MGAT4C: variants seen among roughly 807,000 people sequenced by gnomAD.
MGAT4C encodes alpha-1,3-mannosyl-glycoprotein 4-beta-N-acetylglucosaminyltransferase C.
A neutral mutation model predicts 40.1 loss-of-function variants in MGAT4C; 19 were observed. The ratio of observed to expected loss-of-function variants is 0.47; its 90% CI spans 0.33 to 0.70. MGAT4C has a LOEUF of 0.70. Ranked by LOEUF, MGAT4C falls within the 30% of genes least tolerant of loss-of-function variation. The pLI is 0.02. For missense variants in MGAT4C, 491 were observed against 563.2 expected, an observed-to-expected ratio of 0.87 and a Z score of 1.30; for synonymous variants, 181 against 187.1, an observed-to-expected ratio of 0.97 and a Z score of 0.27.
intron 1 of MGAT4C, among the ~76,000 whole-genome samples, chr12:86,073,807 G>T (rs1208742957): frequency 6.6e-6 from 1 of 152,162 alleles, no homozygotes; most frequent in Admixed American, 6.5e-5. Flanking sequence ...GAAGGCAATT[G>T]CCTTGTCTCA....
intron 2 of MGAT4C, among the ~76,000 whole-genome samples, chr12:86,622,603 T>A (rs1962674935): frequency 6.6e-6 from 1 of 152,134 alleles, no homozygotes; most frequent in South Asian, 2.1e-4. Context: ...ACCAGCACCA[T>A]GTAACAAACC....
rs977325557 is a variant in MGAT4C at position 86,111,151 on chromosome 12, T to C, written c.-56-61428A>G. Among the ~76,000 whole-genome samples the C allele has an allele frequency of 2.6e-5, 4 of 151,880 alleles. No individual in the cohort carries two copies. The Middle Eastern group carries it at 0.014, about 517-fold the overall frequency. ...TAGGGAGACTAATTTTCTCTATATA[T>C]TTAAAGCAATGGTGTTGTCACATCG... On this transcript the variant is annotated intron_variant, in intron 1 of 4. Transcript: ENST00000611864.
chr12:86,411,894 C>T (rs546685461), intron 3 of MGAT4C, among the ~76,000 whole-genome samples: 12 of 152,178 alleles, frequency 7.9e-5, no homozygotes, highest in South Asian at 2.1e-4. Flanking sequence ...CTTGGGACAC[C>T]GCTCCCTGCA....
At chr12:86,706,318 T>A (rs1400866328) in intron 2 of MGAT4C, among the ~76,000 whole-genome samples, 1 of 152,182 alleles carries the variant, frequency 6.6e-6, no homozygotes, top group Non-Finnish European at 1.5e-5. Context: ...CATAAGAATA[T>A]CAATTCTGAG....
chr12:86,637,008 T>A (rs1337397647), intron 2 of MGAT4C, among the ~76,000 whole-genome samples: 1 of 151,928 alleles, frequency 6.6e-6, no homozygotes, highest in Non-Finnish European at 1.5e-5. Flanking sequence ...ACATATCCTG[T>A]TTTTTGTCCC....
chr12:86,395,359 A>G (rs1956241851), intron 3 of MGAT4C, among the ~76,000 whole-genome samples: 1 of 152,186 alleles, frequency 6.6e-6, no homozygotes. Context: ...ATCTTACCAT[A>G]TTAGAGCATT....
intron 1 of MGAT4C, among the ~76,000 whole-genome samples, chr12:86,833,121 T>C (rs11835356): frequency 0.17 from 25,724 of 151,784 alleles, 2,318 homozygotes; most frequent in Middle Eastern, 0.31. Flanking sequence ...TCTTGTGCCA[T>C]AAAACGGAAG....
At chr12:86,024,050 T>C (rs1890030675) in intron 2 of MGAT4C, among the ~76,000 whole-genome samples, 1 of 151,950 alleles carries the variant, frequency 6.6e-6, no homozygotes, top group African/African-American at 2.4e-5. Flanking sequence ...ATTAAAGAAC[T>C]ACAATGACAT....
At chr12:86,082,539 CA>C (rs1871026765) in intron 1 of MGAT4C, among the ~76,000 whole-genome samples, 1 of 150,992 alleles carries the variant, frequency 6.6e-6, no homozygotes, top group South Asian at 2.1e-4. Context: ...ACAGATCAAC[CA>C]CAATTTAGCC....
At chr12:86,230,939 C>T (rs1420913188) in intron 1 of MGAT4C, among the ~76,000 whole-genome samples, 2 of 150,042 alleles carry the variant, frequency 1.3e-5, no homozygotes, top group South Asian at 4.2e-4. Flanking sequence ...ATATTATGAA[C>T]AGTTCATCCC....
chr12:86,682,753 G>A (rs1371276513), intron 2 of MGAT4C, among the ~76,000 whole-genome samples: 2 of 151,870 alleles, frequency 1.3e-5, no homozygotes, highest in Non-Finnish European at 2.9e-5. Flanking sequence ...ACAGCCCATG[G>A]CCTTCAAGGA....
intron 2 of MGAT4C, among the ~76,000 whole-genome samples, chr12:86,497,404 T>C (rs913831867): frequency 6.6e-6 from 1 of 151,972 alleles, no homozygotes; most frequent in Non-Finnish European, 1.5e-5. Context: ...AGCATAGTAC[T>C]TGAATAATAA....
At chr12:86,774,345 C>CTTTCTTTCTT (rs1951708548) in intron 1 of MGAT4C, among the ~76,000 whole-genome samples, 6 of 14,888 alleles carry the variant, frequency 4.0e-4, no homozygotes, top group African/African-American at 8.1e-4. Flanking sequence ...CTTTCTGTCT[C>CTTTCTTTCTT]TCTCTCTCCC....
intron 3 of MGAT4C, among the ~76,000 whole-genome samples, chr12:86,413,876 G>A (rs1956653241): frequency 6.6e-6 from 1 of 152,106 alleles, no homozygotes; most frequent in African/African-American, 2.4e-5. Flanking sequence ...AATGATAAGG[G>A]GTTGGAGGGA....
rs1226916126 is a variant in MGAT4C, at chr12:85,999,583, G to GTGTATATATATATATATA, written c.-6-10032_-6-10031insTATATATATATATATACA. ...AAAGAAAATGTGTGTGTGTGTGTGT[G>GTGTATATATATATATATA]TATATATATATATATATATATATAT... On this transcript the variant is annotated intron_variant, in intron 2 of 4. Coordinates refer to ENST00000611864, the MANE Select transcript of MGAT4C (RefSeq NM_001351288.2). Among the ~76,000 whole-genome samples the GTGTATATATATATATATA allele has an allele frequency of 5.4e-4, 66 of 122,956 alleles. 1 individual carries two copies. The highest frequency in any genetic ancestry group is 1.7e-3 in the African/African-American group (57 of 34,164). 80.7% of individuals were successfully genotyped at this position (122,956 alleles called of 152,430 possible).
intron 2 of MGAT4C, among the ~76,000 whole-genome samples, chr12:86,606,645 C>T (rs2136468335): frequency 6.6e-6 from 1 of 152,128 alleles, no homozygotes; most frequent in East Asian, 1.9e-4. Flanking sequence ...TGCATGTTAC[C>T]TCTGAATGCC....
intron 2 of MGAT4C, among the ~76,000 whole-genome samples, chr12:86,721,022 G>A (rs995056811): frequency 5.9e-5 from 9 of 152,114 alleles, no homozygotes; most frequent in African/African-American, 1.9e-4. Context: ...TTAATCCCAA[G>A]TTGGTGAGAG....
intron 3 of MGAT4C, among the ~76,000 whole-genome samples, chr12:86,359,300 C>A (rs895597149): frequency 2.0e-5 from 3 of 152,204 alleles, no homozygotes; most frequent in African/African-American, 7.2e-5. Flanking sequence ...ACACAACATA[C>A]CAGAATCTCT....
chr12:86,706,603 C>T (rs1239299418), intron 2 of MGAT4C, among the ~76,000 whole-genome samples: 1 of 152,000 alleles, frequency 6.6e-6, no homozygotes. Context: ...ATTTATAGTA[C>T]ATTCTTTAGC....
Sources: gnomAD v4.1 joint callset for allele counts (sites outside exome capture counted in the v4.1 genomes callset) on GRCh38, gnomAD v4.1.1 for gene constraint, MANE v1.5 for transcripts, NCBI Gene and HGNC (gene_info 2026-07-23, HGNC 2026-07-21) for gene names.